The following EEF2 variants were observed in gnomAD, a reference collection of about 807,000 sequenced individuals.
EEF2 encodes the protein eukaryotic translation elongation factor 2.
Under a neutral mutation model 85.3 loss-of-function variants are expected in EEF2, and 21 were observed. The ratio of observed to expected loss-of-function variants is 0.25; its 90% CI spans 0.17 to 0.35. The LOEUF is 0.35. Among genes scored for constraint, EEF2 ranks in the 10% least tolerant of loss-of-function variants. The probability of loss-of-function intolerance (pLI) is 1.00; values close to 1 mark genes in which losing one functional copy is unlikely to be tolerated. For missense variants in EEF2, 825 were observed against 1,225.3 expected, an observed-to-expected ratio of 0.67 and a Z score of 4.88; for synonymous variants, 723 against 508.8, an observed-to-expected ratio of 1.42 and a Z score of -5.67.
At chr19:3,983,971 T>C (rs565884836) in intron 2 of EEF2, 165 bp downstream of exon 2, 4 of 727,142 alleles carry the variant, frequency 5.5e-6, no homozygotes, top group African/African-American at 1.8e-5. Context: ...TCCCTGTGCC[T>C]CTCCATCCTG....
At position 3,976,620 on chromosome 19, in the gene EEF2, C is replaced by T. The variant is rs1387659702; in HGVS notation, c.2511G>A (p.Glu837=). The stretch of plus-strand genomic sequence containing the variant: ...CTTTCAGGCCCTTGCGCTTGCGGGT[C>T]TCCGCCACCACCTGGCTGGGGCGGC... ...NSSRPSQVVA[E]TRKRKGLKEG... is the part of the protein sequence containing the mutation. The change falls in exon 15 of 15, where the codon GAG becomes GAA. Residue 837 remains glutamate (E), a synonymous_variant. Coordinates refer to ENST00000309311, the MANE Select transcript of EEF2 (RefSeq NM_001961.4). 4 of 1,610,772 alleles carry T rather than the reference C, an allele frequency of 2.5e-6. No individual in the cohort carries two copies. The Admixed American group carries it at 6.7e-5, about 27-fold the overall frequency.
rs887748034 is a variant in EEF2, at chr19:3,976,341, G to A, written c.*213C>T. ...CGGCCCATTAAGTCCCTACTAAGAG[G>A]GCGTGTCTGCTGCCTCCGGACTCTG... is the stretch of plus-strand genomic sequence containing the variant. On this transcript the variant is annotated 3_prime_UTR_variant, in exon 15 of 15. Transcript: ENST00000309311. The A allele has an allele frequency of 1.8e-6, 1 of 553,072 alleles. No homozygotes were observed. Among genetic ancestry groups the A allele is most frequent in the East Asian group, 3.4e-5 (1 of 29,632 alleles). 34.3% of individuals were successfully genotyped at this position (553,072 alleles called of 1,614,324 possible). A position where few individuals can be genotyped will look rare whatever the true frequency, so the allele number is the denominator to read the frequency against.
In EEF2 at chr19:3,977,981, C is replaced by T. The variant is rs149189348; in HGVS notation, c.1905G>A (p.Leu635=). Residue 635 remains leucine, a synonymous_variant, in exon 12 of 15, where the codon CTG becomes CTA. Coordinates refer to ENST00000309311, the MANE Select transcript of EEF2 (RefSeq NM_001961.4). The surrounding 1 kb of genome is among the most constrained non-coding windows in gnomAD (Gnocchi z 5.4). ...CCACGTCCCACTCGTACTTCTCGGC[C>T]AGGTAGCGCGCCCGCTGCTTGAGCT... The part of the protein sequence containing the change: ...RQELKQRARY[L]AEKYEWDVAE... 6.8e-6 allele frequency: 11 copies of T among 1,612,990 alleles called. No homozygotes were observed. The highest frequency in any genetic ancestry group is 1.3e-5 in the African/African-American group (1 of 74,940).
rs767301283 is a variant in EEF2, at chr19:3,980,626, C to T, written c.1234G>A (p.Ala412Thr). 4.3e-6 allele frequency: 7 copies of T among 1,614,220 alleles called. No individual in the cohort carries two copies. Among genetic ancestry groups the T allele is most frequent in the Non-Finnish European group, 5.9e-6 (7 of 1,180,032 alleles). The change falls in exon 9 of 15, where the codon GCC (alanine) becomes ACC (threonine). Residue 412 changes from alanine to threonine, a missense_variant. Physicochemically the swap from Ala to Thr is moderately conservative, Grantham distance 58. Transcript: ENST00000309311. ...VPTSDKGRFYAFGRVFSGLVS... is the reference protein window; with the variant it reads ...VPTSDKGRFYTFGRVFSGLVS... The stretch of plus-strand genomic sequence containing the variant: ...AGCCCCGAGAAGACTCGTCCAAAGG[C>T]GTAGAACCGACCTTTGTCGGAGGTT...
At chr19:3,976,797 C>A in intron 14 of EEF2, 50 bp from the exon 15 acceptor site, 1 of 1,471,342 alleles carries the variant, frequency 6.8e-7, no homozygotes, top group Admixed American at 2.5e-5. Context: ...GGTGGCAGGG[C>A]AGAAGGAAAG....
In EEF2 at chr19:3,980,831, G is replaced by A; in HGVS notation, c.1150+10C>T. 6.4e-7 allele frequency: 1 copy of A among 1,571,352 alleles called. No homozygotes were observed. Among genetic ancestry groups the A allele is most frequent in the Non-Finnish European group, 8.6e-7 (1 of 1,159,806 alleles). On this transcript the variant is annotated intron_variant, in intron 8 of 14. Coordinates refer to ENST00000309311, the MANE Select transcript of EEF2 (RefSeq NM_001961.4). ...CTGCATCTCAGGGCCCGGCCACCGG[G>A]ACCACGTACCCATGGCAGCCTCGTC...
Position 3,984,377 on chromosome 19 carries a change from A to G in EEF2, c.4-27T>C, listed in dbSNP as rs563285384. The G allele has an allele frequency of 1.1e-5, 18 of 1,607,794 alleles. No homozygotes were observed. The Admixed American group carries it at 2.5e-4, about 22-fold the overall frequency. ...TGGGCAAGACAAGGAGGCTCAGACCAGCTCGTGATTTCCAGGAACACAGCA... is the reference window on the plus strand; with the variant it reads ...TGGGCAAGACAAGGAGGCTCAGACCGGCTCGTGATTTCCAGGAACACAGCA... On this transcript the variant is annotated intron_variant, in intron 1 of 14. Coordinates refer to ENST00000309311, the MANE Select transcript of EEF2 (RefSeq NM_001961.4).
rs1290585251 is a variant in EEF2, at chr19:3,982,227, C to T, written c.791+19G>A. The T allele has an allele frequency of 1.2e-6, 2 of 1,612,914 alleles. No homozygotes were observed. Among genetic ancestry groups the T allele is most frequent in the East Asian group, 2.2e-5 (1 of 44,862 alleles). ...CCCCCAGGTGTCAGGAATCCCCCAC[C>T]ATATCCCGCGGGGCTCACCTGTCAC... On this transcript the variant is annotated intron_variant, in intron 5 of 14. Transcript: ENST00000309311.
intron 2 of EEF2, 119 bp downstream of exon 2, chr19:3,984,017 A>G: frequency 1.9e-6 from 2 of 1,072,280 alleles, no homozygotes; most frequent in Non-Finnish European, 2.7e-6. Flanking sequence ...TCTCCCATGA[A>G]TTAAGAAACC....
Position 3,981,288 on chromosome 19 carries a change from G to A in EEF2, c.1011+51C>T. On this transcript the variant is annotated intron_variant, in intron 7 of 14. Coordinates refer to ENST00000309311, the MANE Select transcript of EEF2 (RefSeq NM_001961.4). Reference sequence around the variant, plus strand: ...CAGGCCTGGGCTGTCAGAGCATCCGGAAACAGCAGCCTGTGTTCCCTCCAC... The same window carrying A: ...CAGGCCTGGGCTGTCAGAGCATCCGAAAACAGCAGCCTGTGTTCCCTCCAC... 2 of 1,568,400 alleles carry A rather than the reference G, an allele frequency of 1.3e-6. 1 individual carries two copies. Among genetic ancestry groups the A allele is most frequent in the South Asian group, 2.2e-5 (2 of 90,176 alleles).
chr19:3,977,346 C>T lies in EEF2; in HGVS notation c.2252G>A (p.Cys751Tyr). ...MEPIYLVEIQ[C>Y]PEQVVGGIYG... is the part of the protein sequence containing the mutation. ...GATGCCACCGACCACCTGCTCTGGA[C>T]ACTGCCAGAAGGGAAAGAAAACCTG... Residue 751 changes from cysteine (C) to tyrosine (Y), a missense_variant and splice_region_variant, in exon 14 of 15, where the codon TGT becomes TAT. By Grantham distance (194) the Cys-to-Tyr change is radical. Transcript: ENST00000309311. The surrounding 1 kb of genome is among the most constrained non-coding windows in gnomAD (Gnocchi z 5.4). 6.3e-7 allele frequency: 1 copy of T among 1,591,790 alleles called. No homozygotes were observed. Among genetic ancestry groups the T allele is most frequent in the Non-Finnish European group, 8.6e-7 (1 of 1,169,576 alleles).
At position 3,981,390 on chromosome 19, in the gene EEF2, G is replaced by C. The variant is rs949353398; in HGVS notation, c.960C>G (p.Asp320Glu). Residue 320 changes from aspartate to glutamate, a missense_variant, in exon 7 of 15, where the codon GAC becomes GAG. Physicochemically the swap from Asp to Glu is conservative, Grantham distance 45. Coordinates refer to ENST00000309311, the MANE Select transcript of EEF2 (RefSeq NM_001961.4). ...EETAKLIEKL[D>E]IKLDSEDKDK... The stretch of plus-strand genomic sequence containing the variant: ...CCTTGTCCTCGCTGTCCAGTTTGAT[G>C]TCCAGTTTCTCTATCAGTTTTGCTG... 48 of 1,614,106 alleles carry C rather than the reference G, an allele frequency of 3.0e-5. No homozygotes were observed. Among genetic ancestry groups the C allele is most frequent in the Non-Finnish European group, 3.8e-5 (45 of 1,180,058 alleles).
chr19:3,984,039 A>G (rs571872420), intron 2 of EEF2, 97 bp downstream of exon 2: 2 of 1,286,508 alleles, frequency 1.6e-6, no homozygotes, highest in African/African-American at 2.9e-5. Flanking sequence ...GGGGAAAGAG[A>G]CGTTGCCAAG....
In EEF2 at chr19:3,985,382, G is replaced by A. The variant is rs1447672459; in HGVS notation, c.-2C>T. On this transcript the variant is annotated 5_prime_UTR_variant, in exon 1 of 15. Transcript: ENST00000309311. ...CAGCGAGGCAGGGTTACTCACCATGGTGGCGGATGGCGGTGGATTCTCCCA... is the reference window on the plus strand; with the variant it reads ...CAGCGAGGCAGGGTTACTCACCATGATGGCGGATGGCGGTGGATTCTCCCA... 6.6e-7 allele frequency: 1 copy of A among 1,514,782 alleles called. No homozygotes were observed. The highest frequency in any genetic ancestry group is 8.9e-7 in the Non-Finnish European group (1 of 1,128,626). 93.8% of individuals were successfully genotyped at this position (1,514,782 alleles called of 1,614,324 possible). A position where few individuals can be genotyped will look rare whatever the true frequency, so the allele number is the denominator to read the frequency against.
chr19:3,985,274 G>C (rs1311049207), intron 1 of EEF2, 104 bp downstream of exon 1: 2 of 1,257,944 alleles, frequency 1.6e-6, no homozygotes, highest in African/African-American at 1.6e-5. Context: ...CCGCCGCTAC[G>C]TCTCCTCCTG....
chr19:3,978,306 G>A (rs959565247), intron 11 of EEF2, 134 bp from the exon 12 acceptor site: 29 of 729,036 alleles, frequency 4.0e-5, no homozygotes, highest in South Asian at 1.0e-4. Context: ...AGAACGAAGC[G>A]GAGTCAGTGT....
Position 3,980,033 on chromosome 19 carries a change from G to A in EEF2, c.1380C>T (p.Pro460=), listed in dbSNP as rs776240576. Residue 460 remains proline (P), a synonymous_variant, in exon 10 of 15, where the codon CCC becomes CCT. Transcript: ENST00000309311. ...TILMMGRYVE[P]IEDVPCGNIV... is the part of the protein sequence containing the mutation. ...TGTTCCCACAAGGCACATCCTCGAT[G>A]GGCTCCACGTAGCGGCCCATCATCA... 1.9e-6 allele frequency: 3 copies of A among 1,613,574 alleles called. No homozygotes were observed. The highest frequency in any genetic ancestry group is 3.3e-5 in the Admixed American group (2 of 60,022).
chr19:3,981,460 C>T lies in EEF2; in HGVS notation c.898-8G>A. ...CATGATCGCATCAAACACCTACATT[C>T]CCCACCAAGAAACAAGAAAGCCCAT... On this transcript the variant is annotated splice_region_variant and splice_polypyrimidine_tract_variant and intron_variant, in intron 6 of 14. Coordinates refer to ENST00000309311, the MANE Select transcript of EEF2 (RefSeq NM_001961.4). 1 of 1,611,662 alleles carries T rather than the reference C, an allele frequency of 6.2e-7. No individual in the cohort carries two copies. Among genetic ancestry groups the T allele is most frequent in the East Asian group, 2.2e-5 (1 of 44,876 alleles).
At chr19:3,981,744 G>A (rs1046017082) in intron 6 of EEF2, among the ~76,000 whole-genome samples, 8 of 152,248 alleles carry the variant, frequency 5.3e-5, no homozygotes, top group African/African-American at 1.7e-4. Context: ...CAATGCAGGA[G>A]AGGTCCCAAG....
Sources: gnomAD v4.1 joint callset for allele counts (sites outside exome capture counted in the v4.1 genomes callset) on GRCh38, gnomAD v4.1.1 for gene constraint, Gnocchi (gnomAD v3.1) non-coding constraint, MANE v1.5 for transcripts, NCBI Gene and HGNC (gene_info 2026-07-23, HGNC 2026-07-21) for gene names.